RYR2: variants seen among roughly 807,000 people sequenced by gnomAD.
RYR2 encodes ryanodine receptor 2.
In RYR2, 227 loss-of-function variants were observed where a neutral mutation model predicts 601.1. That is an observed-to-expected ratio of 0.38 (90% CI 0.34 to 0.42). The LOEUF (loss-of-function observed/expected upper bound fraction) is 0.42, where lower values mean the gene tolerates loss of function less well. RYR2 is among the 10% of genes least tolerant of loss of function. The pLI, the probability that RYR2 is intolerant of heterozygous loss-of-function variation, is 1.00. For synonymous variants in RYR2, 2,223 were observed against 2,175.1 expected (o/e 1.02, Z -0.61); for missense variants, 4,646 against 6,156.5 (o/e 0.75, Z 8.21).
At chr1:237,779,146 G>A (rs1694895178) in intron 88 of RYR2, among the ~76,000 whole-genome samples, 1 of 152,122 alleles carries the variant, frequency 6.6e-6, no homozygotes, top group East Asian at 1.9e-4. Flanking sequence ...TTTATAATCT[G>A]TTACAAGGGA....
Position 237,708,841 on chromosome 1 carries a change from T to C in RYR2, c.9902-17T>C, listed in dbSNP as rs375210046. ...ATGGTTTTACAGAGCAGAATACTAA[T>C]GTCTGTCTTTAAACAGTGTTTTCCC... On this transcript the variant is annotated splice_polypyrimidine_tract_variant and intron_variant, in intron 68 of 104. Transcript: ENST00000366574. 3 of 1,600,778 alleles carry C rather than the reference T, an allele frequency of 1.9e-6. No individual in the cohort carries two copies. The highest frequency in any genetic ancestry group is 2.7e-5 in the African/African-American group (2 of 74,676).
At chr1:237,680,175 A>T (rs1685744041) in intron 61 of RYR2, among the ~76,000 whole-genome samples, 2 of 152,180 alleles carry the variant, frequency 1.3e-5, no homozygotes, top group Admixed American at 1.3e-4. Context: ...TGGGCACTGA[A>T]CTATGTTATA....
At position 237,542,070 on chromosome 1, in the gene RYR2, AT is replaced by A. The variant is rs1161305180; in HGVS notation, c.2907-6358del. Among the ~76,000 whole-genome samples, 4 of 26,648 alleles carry A rather than the reference AT, an allele frequency of 1.5e-4. No homozygotes were observed. In the East Asian group the frequency reaches 0.033, roughly 222 times the overall value. 17.5% of individuals were successfully genotyped at this position (26,648 alleles called of 152,430 possible). A position where few individuals can be genotyped will look rare whatever the true frequency, so the allele number is the denominator to read the frequency against. ...TATACATTTTTGTCTTTATTTATTTATTTATTTATTTATTTATTTATTTATT... is the reference window on the plus strand; with the variant it reads ...TATACATTTTTGTCTTTATTTATTTATTATTTATTTATTTATTTATTTATT... On this transcript the variant is annotated intron_variant, in intron 25 of 104. Coordinates refer to ENST00000366574, the MANE Select transcript of RYR2 (RefSeq NM_001035.3).
rs183319830 is a variant in RYR2, at chr1:237,362,880, T to C, written c.295-1478T>C. ...TCAGTATTCATTCTATTTTGTCGTG[T>C]ATGCAGATTGCTCTCCTCTGTGTAT... On this transcript the variant is annotated intron_variant, in intron 4 of 104. Coordinates refer to ENST00000366574, the MANE Select transcript of RYR2 (RefSeq NM_001035.3). Among the ~76,000 whole-genome samples, 3 of 152,324 alleles carry C rather than the reference T, an allele frequency of 2.0e-5. No individual in the cohort carries two copies. The East Asian group carries it at 5.8e-4, about 29-fold the overall frequency.
At chr1:237,342,556 TCTACATAA>T (rs1697918251) in intron 3 of RYR2, among the ~76,000 whole-genome samples, 1 of 152,058 alleles carries the variant, frequency 6.6e-6, no homozygotes, top group Non-Finnish European at 1.5e-5. Context: ...ACCAGCAGGA[TCTACATAA>T]CTTGAGGATT....
chr1:237,674,127 T>C lies in RYR2; in HGVS notation c.8622T>C (p.Tyr2874=). 1 of 1,612,168 alleles carries C rather than the reference T, an allele frequency of 6.2e-7. No individual in the cohort carries two copies. Among genetic ancestry groups the C allele is most frequent in the Non-Finnish European group, 8.5e-7 (1 of 1,178,330 alleles). ...GAAACCATCCTCTGCTGGTGCCCTA[T>C]GATACACTGACAGCCAAAGAGAAAG... ...GGGNHPLLVP[Y]DTLTAKEKAK... The change falls in exon 59 of 105, where the codon TAT becomes TAC. Residue 2874 remains tyrosine, a synonymous_variant. Transcript: ENST00000366574.
intron 1 of RYR2, among the ~76,000 whole-genome samples, chr1:237,065,268 C>CTTT: frequency 1.2e-5 from 1 of 85,550 alleles, no homozygotes; most frequent in Admixed American, 1.8e-4. Flanking sequence ...TGTGTGCTAT[C>CTTT]CTTTTTTTTT....
At chr1:237,565,183 CTTTCTT>C (rs1671903929) in intron 27 of RYR2, among the ~76,000 whole-genome samples, 3 of 64,208 alleles carry the variant, frequency 4.7e-5, no homozygotes, top group South Asian at 5.2e-4. Flanking sequence ...TTCTTTCTTT[CTTTCTT>C]TCTTTCTTTC....
rs397516499 is a variant in RYR2 at position 237,742,270 on chromosome 1, C to CTTTT, written c.11092-14_11092-11dup. On this transcript the variant is annotated intron_variant, in intron 79 of 104. Coordinates refer to ENST00000366574, the MANE Select transcript of RYR2 (RefSeq NM_001035.3). ...TAAAATCTCAACATATTCCTGTCTC[C>CTTTT]TTTTTTTTTTTTTTTAAATATACAG... is the stretch of plus-strand genomic sequence containing the variant. 25 of 1,183,802 alleles carry CTTTT rather than the reference C, an allele frequency of 2.1e-5. No homozygotes were observed. Among genetic ancestry groups the CTTTT allele is most frequent in the African/African-American group, 1.2e-4 (7 of 59,976 alleles). 73.3% of individuals were successfully genotyped at this position (1,183,802 alleles called of 1,614,324 possible). A position where few individuals can be genotyped will look rare whatever the true frequency, so the allele number is the denominator to read the frequency against.
In RYR2 at chr1:237,152,608, T is replaced by C. The variant is rs143298427; in HGVS notation, c.48+110039T>C. Among the ~76,000 whole-genome samples the C allele has an allele frequency of 7.8e-3, 1,181 of 152,322 alleles. 13 individuals carry two copies. The highest frequency in any genetic ancestry group is 0.025 in the African/African-American group (1,040 of 41,568). On this transcript the variant is annotated intron_variant, in intron 1 of 104. Transcript: ENST00000366574. ...TTTGCATTTCTCTAATCATCAGTGATGTTGAGCTTTTTTTCACGTTTGTTG... is the reference window on the plus strand; with the variant it reads ...TTTGCATTTCTCTAATCATCAGTGACGTTGAGCTTTTTTTCACGTTTGTTG...
chr1:237,052,928 A>G (rs974521566), intron 1 of RYR2, among the ~76,000 whole-genome samples: 2 of 152,112 alleles, frequency 1.3e-5, no homozygotes, highest in Non-Finnish European at 2.9e-5. Context: ...GGCTTACTGC[A>G]ACCTCTGCCT....
At chr1:237,087,460 T>A (rs1367744039) in intron 1 of RYR2, among the ~76,000 whole-genome samples, 1 of 152,184 alleles carries the variant, frequency 6.6e-6, no homozygotes, top group African/African-American at 2.4e-5. Flanking sequence ...TAAATGTTTT[T>A]GTTTAAAGGG....
intron 2 of RYR2, among the ~76,000 whole-genome samples, chr1:237,314,124 G>A (rs1464056447): frequency 6.8e-6 from 1 of 147,070 alleles, no homozygotes; most frequent in East Asian, 2.0e-4. Context: ...GAGTGCAGTG[G>A]CACAATCTCA....
intron 100 of RYR2, among the ~76,000 whole-genome samples, chr1:237,810,919 T>A (rs141806050): frequency 6.6e-5 from 10 of 152,300 alleles, no homozygotes; most frequent in African/African-American, 2.4e-4. Context: ...ATTTTTGATA[T>A]GCTGGAATAT....
chr1:237,646,593 T>C (rs1297781873), intron 48 of RYR2, among the ~76,000 whole-genome samples: 1 of 152,204 alleles, frequency 6.6e-6, no homozygotes, highest in Non-Finnish European at 1.5e-5. Context: ...AAGAATGATA[T>C]TTTCCCTTCT....
At chr1:237,553,638 T>C (rs1216832300) in intron 27 of RYR2, among the ~76,000 whole-genome samples, 1 of 151,968 alleles carries the variant, frequency 6.6e-6, no homozygotes, top group Non-Finnish European at 1.5e-5. Context: ...AGAATTGATA[T>C]TTTAGCCATA....
At chr1:237,323,428 T>C (rs1042733145) in intron 2 of RYR2, among the ~76,000 whole-genome samples, 1 of 152,176 alleles carries the variant, frequency 6.6e-6, no homozygotes, top group Non-Finnish European at 1.5e-5. Context: ...TGTGAGCTGA[T>C]GTGATGTAAG....
At chr1:237,259,689 C>T (rs10495392) in intron 1 of RYR2, among the ~76,000 whole-genome samples, 133,189 of 152,200 alleles carry the variant, frequency 0.88, 58,384 homozygotes, top group South Asian at 0.94. Context: ...GTACAGTTGA[C>T]TTCTCTGCTT....
chr1:237,127,330 A>G (rs1464636668), intron 1 of RYR2, among the ~76,000 whole-genome samples: 1 of 151,180 alleles, frequency 6.6e-6, no homozygotes, highest in African/African-American at 2.4e-5. Flanking sequence ...GTGGCCGGGC[A>G]GAGGGGCTCC....
Sources: gnomAD v4.1 joint callset for allele counts (sites outside exome capture counted in the v4.1 genomes callset) on GRCh38, gnomAD v4.1.1 for gene constraint, MANE v1.5 for transcripts, NCBI Gene and HGNC (gene_info 2026-07-23, HGNC 2026-07-21) for gene names.